Variants in SLC44A1 observed in about 807,000 individuals in gnomAD.
SLC44A1 encodes choline transporter-like protein 1.
Under a neutral mutation model 79.3 loss-of-function variants are expected in SLC44A1, and 26 were observed. The observed-to-expected ratio is 0.33, with a 90% CI of 0.24 to 0.46. The LOEUF is 0.46. Ranked by LOEUF, SLC44A1 falls within the 20% of genes least tolerant of loss-of-function variation. SLC44A1 has a pLI of 1.00. For synonymous variants in SLC44A1, 263 were observed against 286.2 expected, an observed-to-expected ratio of 0.92 and a Z score of 0.82; for missense variants, 688 against 798.1, an observed-to-expected ratio of 0.86 and a Z score of 1.66.
At position 105,414,755 on chromosome 9, in the gene SLC44A1, C is replaced by T. The variant is rs147325910; in HGVS notation, c.1951-23526C>T. Among the ~76,000 whole-genome samples, 4 of 152,164 alleles carry T rather than the reference C, an allele frequency of 2.6e-5. No individual in the cohort carries two copies. In the East Asian group the frequency reaches 5.8e-4, roughly 22 times the overall value. On this transcript the variant is annotated intron_variant, in intron 15 of 15. Coordinates refer to the SLC44A1 transcript ENST00000374724. ...TAGGCTGTAGTACGTGATGAACACA[C>T]CTGTGAATAGCCACTGCACTCCAGC...
intron 5 of SLC44A1, among the ~76,000 whole-genome samples, chr9:105,349,768 TGCTC>T (rs2131383055): frequency 6.6e-6 from 1 of 152,296 alleles, no homozygotes; most frequent in South Asian, 2.1e-4. Context: ...TATAGAATCA[TGCTC>T]TCAAGATTAA....
intron 1 of SLC44A1, among the ~76,000 whole-genome samples, chr9:105,247,383 C>T (rs549887029): frequency 5.3e-5 from 8 of 152,280 alleles, no homozygotes; most frequent in South Asian, 4.1e-4. Context: ...CTGCAACCTC[C>T]GCCTCCTGGG....
At chr9:105,280,035 A>G (rs562969653) in intron 1 of SLC44A1, among the ~76,000 whole-genome samples, 50 of 152,378 alleles carry the variant, frequency 3.3e-4, no homozygotes, top group African/African-American at 1.1e-3. Context: ...TGAGGTTTTT[A>G]AAATAAATAA....
intron 1 of SLC44A1, among the ~76,000 whole-genome samples, chr9:105,268,031 G>A (rs1314519132): frequency 6.6e-6 from 1 of 152,148 alleles, no homozygotes. Context: ...GAAGGTTGGG[G>A]TGGGTGTTGG....
intron 4 of SLC44A1, among the ~76,000 whole-genome samples, chr9:105,339,525 T>C (rs927570199): frequency 2.6e-5 from 4 of 152,056 alleles, no homozygotes; most frequent in Non-Finnish European, 5.9e-5. Context: ...GACCAATAAA[T>C]GGATAAAGAA....
At chr9:105,435,329 G>A (rs1164087699) in intron 15 of SLC44A1, among the ~76,000 whole-genome samples, 1 of 152,222 alleles carries the variant, frequency 6.6e-6, no homozygotes, top group South Asian at 2.1e-4. Context: ...CAGCAAGGCT[G>A]TTGCAACAAG....
intron 10 of SLC44A1, among the ~76,000 whole-genome samples, chr9:105,364,940 A>G (rs900507926): frequency 6.6e-6 from 1 of 152,228 alleles, no homozygotes; most frequent in African/African-American, 2.4e-5. Flanking sequence ...CAGTTGTCTC[A>G]TAAAATTTAT....
Position 105,393,048 on chromosome 9 carries a change from A to T in SLC44A1, c.*3992A>T. 1.0e-6 allele frequency: 1 copy of T among 985,348 alleles called. No homozygotes were observed. Among genetic ancestry groups the T allele is most frequent in the Non-Finnish European group, 1.2e-6 (1 of 829,820 alleles). The allele number at this position is 985,348 out of a possible 1,614,324, so 61.0% of individuals were successfully genotyped here. On this transcript the variant is annotated 3_prime_UTR_variant, in exon 16 of 16. Coordinates refer to ENST00000374720, the MANE Select transcript of SLC44A1 (RefSeq NM_080546.5). The stretch of plus-strand genomic sequence containing the variant: ...GTTAATTTCTGTATTCTTTTCATAC[A>T]TTCCATCTGACACATACGAGTGCAC...
At chr9:105,399,955 G>A (rs1419353298), downstream of SLC44A1, among the ~76,000 whole-genome samples, 1 of 152,070 alleles carries the variant, frequency 6.6e-6, no homozygotes, top group Admixed American at 6.6e-5. Flanking sequence ...CAGCATTTTG[G>A]GTGGCCGACA....
At chr9:105,358,798 T>G (rs1011520988) in intron 7 of SLC44A1, among the ~76,000 whole-genome samples, 12 of 152,178 alleles carry the variant, frequency 7.9e-5, no homozygotes, top group African/African-American at 2.9e-4. Flanking sequence ...TTCTTTCTTG[T>G]TTTCTCTCTT....
chr9:105,318,235 A>G lies in SLC44A1; in HGVS notation c.269+8369A>G, dbSNP rs547246267. ...CGCCCTGTCACCCAGGCTGGAGTGC[A>G]ATGGGCAAGATCTCAGCTCACTGCA... On this transcript the variant is annotated intron_variant, in intron 3 of 15. Transcript: ENST00000374720. Among the ~76,000 whole-genome samples the G allele has an allele frequency of 2.8e-5, 4 of 144,318 alleles. No homozygotes were observed. The South Asian group carries it at 8.3e-4, about 30-fold the overall frequency. The allele number at this position is 144,318 out of a possible 152,430, so 94.7% of individuals were successfully genotyped here. A position where few individuals can be genotyped will look rare whatever the true frequency, so the allele number is the denominator to read the frequency against.
intron 3 of SLC44A1, among the ~76,000 whole-genome samples, chr9:105,315,742 A>C (rs1831306643): frequency 1.3e-5 from 2 of 152,204 alleles, no homozygotes; most frequent in African/African-American, 2.4e-5. Context: ...TTCCTGTTTG[A>C]AAAAGAACTA....
rs955678555 is a variant in SLC44A1 at position 105,302,440 on chromosome 9, C to T, written c.126+3131C>T. Among the ~76,000 whole-genome samples the T allele has an allele frequency of 2.6e-4, 40 of 151,856 alleles. 1 individual carries two copies. The highest frequency in any genetic ancestry group is 2.3e-3 in the Admixed American group (35 of 15,230). ...CGATCTTGGCTCACTGCAACCTCTG[C>T]TTCCCAGGTTCAAGCAATTTTCCTG... is the stretch of plus-strand genomic sequence containing the variant. On this transcript the variant is annotated intron_variant, in intron 2 of 15. Coordinates refer to ENST00000374720, the MANE Select transcript of SLC44A1 (RefSeq NM_080546.5).
At chr9:105,298,636 C>T (rs1376975346) in intron 1 of SLC44A1, among the ~76,000 whole-genome samples, 2 of 152,168 alleles carry the variant, frequency 1.3e-5, no homozygotes, top group Non-Finnish European at 2.9e-5. Context: ...AGATGTGAGC[C>T]ACTGGGCCCG....
chr9:105,383,994 C>A lies in SLC44A1; in HGVS notation c.1869+635C>A, dbSNP rs1445821213. On this transcript the variant is annotated intron_variant, in intron 14 of 15. Transcript: ENST00000374720. ...TAAATGGTTTAAGTACTGTTATAAT[C>A]AGTGTTAAATGTTACCAAAGTAAAG... 2.0e-5 allele frequency among the ~76,000 whole-genome samples: 3 copies of A among 152,164 alleles called. No homozygotes were observed. In the East Asian group the frequency reaches 5.8e-4, roughly 29 times the overall value.
chr9:105,378,397 G>T (rs549789496), intron 13 of SLC44A1, among the ~76,000 whole-genome samples: 19 of 152,042 alleles, frequency 1.2e-4, no homozygotes. Context: ...TCAATCCTCA[G>T]GTTTTCTGTT....
At chr9:105,253,530 C>A (rs1167829398) in intron 1 of SLC44A1, among the ~76,000 whole-genome samples, 1 of 152,088 alleles carries the variant, frequency 6.6e-6, no homozygotes, top group Admixed American at 6.6e-5. Context: ...GAGTTCTAGA[C>A]CATCCTGGGC....
At chr9:105,287,028 G>A (rs1222836756) in intron 1 of SLC44A1, among the ~76,000 whole-genome samples, 1 of 152,162 alleles carries the variant, frequency 6.6e-6, no homozygotes, top group East Asian at 1.9e-4. Context: ...AGACAAGGAA[G>A]GTAAATTAGC....
At chr9:105,248,158 C>G (rs75078383) in intron 1 of SLC44A1, among the ~76,000 whole-genome samples, 1 of 152,312 alleles carries the variant, frequency 6.6e-6, no homozygotes, top group East Asian at 1.9e-4. Context: ...TCAGCAGTAT[C>G]TTCAGCAACT....
Sources: gnomAD v4.1 joint callset for allele counts (sites outside exome capture counted in the v4.1 genomes callset) on GRCh38, gnomAD v4.1.1 for gene constraint, MANE v1.5 for transcripts, NCBI Gene and HGNC (gene_info 2026-07-23, HGNC 2026-07-21) for gene names.